Variants in MTSS2 observed in about 807,000 individuals in gnomAD.
MTSS2 encodes protein MTSS 2.
MTSS2 carries 27 observed loss-of-function variants against 67.1 expected under a neutral mutation model. That is an observed-to-expected ratio of 0.40 (90% CI 0.30 to 0.55). MTSS2 has a LOEUF of 0.55. MTSS2 is among the 20% of genes least tolerant of loss of function. The pLI, the probability that MTSS2 is intolerant of heterozygous loss-of-function variation, is 0.43. For synonymous variants in MTSS2, 624 were observed against 468.6 expected, an observed-to-expected ratio of 1.33 and a Z score of -4.28; for missense variants, 1,171 against 1,067.8, an observed-to-expected ratio of 1.10 and a Z score of -1.35.
Position 70,663,596 on chromosome 16 carries a change from C to G in MTSS2, c.*81G>C. The G allele has an allele frequency of 2.1e-6, 3 of 1,461,782 alleles. No individual in the cohort carries two copies. Among genetic ancestry groups the G allele is most frequent in the Non-Finnish European group, 2.7e-6 (3 of 1,105,642 alleles). 90.6% of individuals were successfully genotyped at this position (1,461,782 alleles called of 1,614,324 possible). On this transcript the variant is annotated 3_prime_UTR_variant, in exon 15 of 15. Coordinates refer to ENST00000338779, the MANE Select transcript of MTSS2 (RefSeq NM_138383.3). ...GGCTCTGTCCTCTCTCCTGGCTGGG[C>G]CTTTGCTCTGAGTGCCTGCGGCTCA...
intron 5 of MTSS2, 32 bp downstream of exon 5, chr16:70,679,754 G>C: frequency 6.2e-7 from 1 of 1,610,290 alleles, no homozygotes; most frequent in South Asian, 1.1e-5. Context: ...GCGGAGTGGG[G>C]GGTGGGAAGC....
chr16:70,677,738 A>G, intron 9 of MTSS2, 54 bp downstream of exon 9: 1 of 1,382,900 alleles, frequency 7.2e-7, no homozygotes. Flanking sequence ...AACCTAGGGC[A>G]GCCCATCTCC....
chr16:70,665,336 G>C (rs2052672118), intron 12 of MTSS2, 130 bp downstream of exon 12: 1 of 1,060,412 alleles, frequency 9.4e-7, no homozygotes, highest in Non-Finnish European at 1.3e-6. Flanking sequence ...TTGTCTCTTG[G>C]GGACAGGTGC....
At chr16:70,677,080 A>G in intron 9 of MTSS2, 102 bp from the exon 10 acceptor site, 1 of 888,914 alleles carries the variant, frequency 1.1e-6, no homozygotes, top group East Asian at 2.8e-5. Context: ...ATCCCAGGAG[A>G]AGACCCAGAA....
In MTSS2 at chr16:70,661,919, A is replaced by C. The variant is rs1282635952; in HGVS notation, c.*1758T>G. The C allele has an allele frequency of 6.5e-6, 1 of 153,856 alleles. No individual in the cohort carries two copies. Among genetic ancestry groups the C allele is most frequent in the African/African-American group, 2.4e-5 (1 of 41,434 alleles). 9.5% of individuals were successfully genotyped at this position (153,856 alleles called of 1,614,324 possible). ...AGAATGTGTGGCGGAAATTCTACCC[A>C]AGACTCCCCAAATAATTGGTCACCT... On this transcript the variant is annotated 3_prime_UTR_variant, in exon 15 of 15. Coordinates refer to ENST00000338779, the MANE Select transcript of MTSS2 (RefSeq NM_138383.3).
intron 11 of MTSS2, among the ~76,000 whole-genome samples, chr16:70,668,015 G>A (rs1338496066): frequency 2.0e-5 from 3 of 147,332 alleles, no homozygotes; most frequent in Non-Finnish European, 3.0e-5. Context: ...CTGACAAGCT[G>A]ATCCTAAAAG....
chr16:70,680,680 T>C, intron 3 of MTSS2, 114 bp downstream of exon 3: 2 of 917,468 alleles, frequency 2.2e-6, no homozygotes, highest in Non-Finnish European at 3.4e-6. Flanking sequence ...GGAGCAGAAC[T>C]CAAGGTTCTG....
In MTSS2 at chr16:70,663,496, TAAG is replaced by T. The variant is rs2052569063; in HGVS notation, c.*178_*180del. Reference sequence around the variant, plus strand: ...CAGGCTCCGTCCTGGCCAGGCTTGCTAAGAAGTCACTTCCTGTTTAAATGCTGG... The same window carrying T: ...CAGGCTCCGTCCTGGCCAGGCTTGCTAAGTCACTTCCTGTTTAAATGCTGG... On this transcript the variant is annotated 3_prime_UTR_variant, in exon 15 of 15. Transcript: ENST00000338779. 3 of 1,230,722 alleles carry T rather than the reference TAAG, an allele frequency of 2.4e-6. No individual in the cohort carries two copies. Among genetic ancestry groups the T allele is most frequent in the Non-Finnish European group, 3.3e-6 (3 of 921,542 alleles). 76.2% of individuals were successfully genotyped at this position (1,230,722 alleles called of 1,614,324 possible).
At chr16:70,681,237 C>T (rs1246330800) in intron 1 of MTSS2, among the ~76,000 whole-genome samples, 3 of 152,186 alleles carry the variant, frequency 2.0e-5, no homozygotes, top group Non-Finnish European at 2.9e-5. Flanking sequence ...TGGGAACGGG[C>T]GCCTTTGCCA....
Position 70,674,405 on chromosome 16 carries a change from A to AGCG in MTSS2, c.951_953dup (p.Ala318dup), listed in dbSNP as rs2053043834. Reference sequence around the variant, plus strand: ...CATGGGAGGAAACGCTGGAGAGGCGAGCGGTGGTGGTGGCTGGCTGCGCCA... The same window carrying AGCG: ...CATGGGAGGAAACGCTGGAGAGGCGAGCGGCGGTGGTGGTGGCTGGCTGCGCCA... On this transcript the variant is annotated inframe_insertion, in exon 11 of 15. Transcript: ENST00000338779. 6.2e-7 allele frequency: 1 copy of AGCG among 1,614,036 alleles called. No individual in the cohort carries two copies. The highest frequency in any genetic ancestry group is 1.7e-5 in the Admixed American group (1 of 60,002).
intron 1 of MTSS2, among the ~76,000 whole-genome samples, chr16:70,684,212 G>A (rs1415659326): frequency 1.3e-5 from 2 of 152,204 alleles, no homozygotes; most frequent in African/African-American, 4.8e-5. Context: ...CTCTGGGATC[G>A]GCCAGGGGAG....
intron 3 of MTSS2, among the ~76,000 whole-genome samples, chr16:70,680,327 G>C (rs968506094): frequency 3.3e-5 from 5 of 152,190 alleles, no homozygotes; most frequent in East Asian, 3.9e-4. Flanking sequence ...TCCAGGAGCC[G>C]GCCAAACGAC....
At chr16:70,683,171 T>A (rs1040324022) in intron 1 of MTSS2, among the ~76,000 whole-genome samples, 2 of 152,186 alleles carry the variant, frequency 1.3e-5, no homozygotes, top group Non-Finnish European at 2.9e-5. Context: ...GTGGTTCAGA[T>A]GTGGAGTGTG....
At position 70,674,520 on chromosome 16, in the gene MTSS2, C is replaced by T. The variant is rs2053051980; in HGVS notation, c.839G>A (p.Ser280Asn). Residue 280 changes from serine to asparagine, a missense_variant, in exon 11 of 15, where the codon AGC (serine) becomes AAC (asparagine). Coordinates refer to ENST00000338779, the MANE Select transcript of MTSS2 (RefSeq NM_138383.3). ...GCCACCCTTGGCACTGCTACTGCTG[C>T]TGGGGGCACTAGGGGAGTGAAGGAA... ...SRKSSMCSAPSSSSSAKGGGA... is the reference protein window; with the variant it reads ...SRKSSMCSAPNSSSSAKGGGA... 6.2e-7 allele frequency: 1 copy of T among 1,612,882 alleles called. No homozygotes were observed.
At chr16:70,675,438 C>G (rs920527888) in intron 10 of MTSS2, among the ~76,000 whole-genome samples, 5 of 152,140 alleles carry the variant, frequency 3.3e-5, no homozygotes, top group Non-Finnish European at 5.9e-5. Flanking sequence ...GACAACAAAA[C>G]CCAAAAAACC....
intron 1 of MTSS2, among the ~76,000 whole-genome samples, chr16:70,683,082 G>A (rs1418924183): frequency 6.6e-6 from 1 of 152,224 alleles, no homozygotes; most frequent in Non-Finnish European, 1.5e-5. Flanking sequence ...GCTCTGGAGT[G>A]GGGAGGTGAG....
intron 10 of MTSS2, among the ~76,000 whole-genome samples, chr16:70,675,411 A>C (rs769093881): frequency 2.6e-5 from 4 of 152,174 alleles, no homozygotes; most frequent in Non-Finnish European, 4.4e-5. Context: ...TGACAGAGCG[A>C]GACCCTGTCT....
intron 11 of MTSS2, chr16:70,665,830 CG>C (rs1209470834): frequency 1.4e-5 from 4 of 291,746 alleles, no homozygotes; most frequent in African/African-American, 2.2e-5. Context: ...ATATGGCCAC[CG>C]AGGGGAAAAA....
At chr16:70,675,021 G>A (rs537035628) in intron 10 of MTSS2, among the ~76,000 whole-genome samples, 6 of 152,136 alleles carry the variant, frequency 3.9e-5, no homozygotes, top group African/African-American at 9.6e-5. Context: ...GCTGAGGCAC[G>A]AGAATCACTT....
Sources: gnomAD v4.1 joint callset for allele counts (sites outside exome capture counted in the v4.1 genomes callset) on GRCh38, gnomAD v4.1.1 for gene constraint, MANE v1.5 for transcripts, NCBI Gene and HGNC (gene_info 2026-07-23, HGNC 2026-07-21) for gene names.